Variants in AVIL observed in about 807,000 individuals in gnomAD.
AVIL encodes the protein advillin.
AVIL carries 78 observed loss-of-function variants against 109.9 expected under a neutral mutation model. The observed-to-expected ratio is 0.71, with a 90% CI of 0.59 to 0.86. The LOEUF (loss-of-function observed/expected upper bound fraction) is 0.86, where lower values mean the gene tolerates loss of function less well. Among genes scored for constraint, AVIL ranks in the 40% least tolerant of loss-of-function variants. The probability of loss-of-function intolerance (pLI) is 0.00; values close to 1 mark genes in which losing one functional copy is unlikely to be tolerated. For missense variants in AVIL, 892 were observed against 1,016.5 expected (o/e 0.88, Z 1.67); for synonymous variants, 367 against 379.1 (o/e 0.97, Z 0.37).
rs66731427 is a variant in AVIL, at chr12:57,818,182, C to CTTTTTTTTTTTTTTTTTTTTTTTT, written c.-20+423_-20+446dup. ...CACAGGTGTGCACCACCATGCTTGG[C>CTTTTTTTTTTTTTTTTTTTTTTTT]TTTTTTTTTTTTTTTTTTTTTTTTT... is the stretch of plus-strand genomic sequence containing the variant. On this transcript the variant is annotated intron_variant, in intron 1 of 19. Coordinates refer to ENST00000549994, the MANE Select transcript of AVIL (RefSeq NM_006576.4). Among the ~76,000 whole-genome samples the CTTTTTTTTTTTTTTTTTTTTTTTT allele has an allele frequency of 1.4e-4, 5 of 35,272 alleles. 2 individuals carry two copies. Among genetic ancestry groups the CTTTTTTTTTTTTTTTTTTTTTTTT allele is most frequent in the African/African-American group, 1.8e-4 (2 of 10,832 alleles). 23.1% of individuals were successfully genotyped at this position (35,272 alleles called of 152,430 possible). A position where few individuals can be genotyped will look rare whatever the true frequency, so the allele number is the denominator to read the frequency against.
rs768513304 is a variant in AVIL, at chr12:57,797,859, C to T, written c.*23G>A. ...CTATCTGCTCTTTTCTGTGGCCTTG[C>T]AATAGGTATAGGCCTTCTTGCTTTA... On this transcript the variant is annotated 3_prime_UTR_variant, in exon 20 of 20. Coordinates refer to ENST00000549994, the MANE Select transcript of AVIL (RefSeq NM_006576.4). 1.3e-6 allele frequency: 2 copies of T among 1,526,428 alleles called. No individual in the cohort carries two copies. The highest frequency in any genetic ancestry group is 4.2e-5 in the Admixed American group (2 of 47,366). The allele number at this position is 1,526,428 out of a possible 1,614,324, so 94.6% of individuals were successfully genotyped here. A position where few individuals can be genotyped will look rare whatever the true frequency, so the allele number is the denominator to read the frequency against.
intron 11 of AVIL, 117 bp from the exon 12 acceptor site, chr12:57,807,844 T>A (rs1375911308): frequency 7.1e-7 from 1 of 1,406,104 alleles, no homozygotes; most frequent in South Asian, 1.2e-5. Context: ...GTTCCCTTTC[T>A]CCCTCTGGTT....
At chr12:57,798,619 TC>T (rs1335646370) in intron 19 of AVIL, among the ~76,000 whole-genome samples, 1 of 151,132 alleles carries the variant, frequency 6.6e-6, no homozygotes, top group Non-Finnish European at 1.5e-5. Context: ...TCTTTTCTTT[TC>T]TTTTTTTTTT....
chr12:57,809,832 G>A lies in AVIL; in HGVS notation c.820C>T (p.Gln274Ter). The change falls in exon 8 of 20, where the codon CAG becomes TAG. Residue 274 changes from glutamine to a stop codon, truncating the protein, a stop_gained. Transcript: ENST00000549994. LOFTEE classifies it high-confidence loss of function. ...VTEVATRPLV[Q>*]DLLNHDDCYI... is the part of the protein sequence containing the mutation. Reference sequence around the variant, plus strand: ...CTTACATCATGGTTCAGTAAGTCCTGGACCAGAGGCCTTGTTGCTACCTCT... The same window carrying A: ...CTTACATCATGGTTCAGTAAGTCCTAGACCAGAGGCCTTGTTGCTACCTCT... The A allele has an allele frequency of 4.3e-6, 7 of 1,614,232 alleles. No homozygotes were observed. The highest frequency in any genetic ancestry group is 5.9e-6 in the Non-Finnish European group (7 of 1,180,042).
At chr12:57,815,936 G>A (rs779567390) in intron 2 of AVIL, 39 bp downstream of exon 2, 5 of 1,613,388 alleles carry the variant, frequency 3.1e-6, no homozygotes, top group East Asian at 4.5e-5. Flanking sequence ...GCTTCCAGAT[G>A]CCAGTGGTCA....
intron 17 of AVIL, 127 bp from the exon 18 acceptor site, chr12:57,801,339 A>C (rs1384954363): frequency 2.8e-6 from 2 of 710,528 alleles, no homozygotes; most frequent in Non-Finnish European, 4.7e-6. Context: ...AAGGATAAGT[A>C]AAAATGAAAA....
Position 57,807,611 on chromosome 12 carries a change from A to T in AVIL, c.1311T>A (p.His437Gln), listed in dbSNP as rs762203271. The T allele has an allele frequency of 6.2e-7, 1 of 1,614,244 alleles. No homozygotes were observed. Among genetic ancestry groups the T allele is most frequent in the Non-Finnish European group, 8.5e-7 (1 of 1,180,040 alleles). Residue 437 changes from histidine (H) to glutamine (Q), a missense_variant, in exon 12 of 20, where the codon CAT becomes CAA. By Grantham distance (24) the His-to-Gln change is conservative. Coordinates refer to ENST00000549994, the MANE Select transcript of AVIL (RefSeq NM_006576.4). ...CTACCTGCCAGATGTACAAGATGTG[A>T]TGTGGCTTCCCATTTACCTCGTATG... ...LYTYEVNGKPHHILYIWQGRH... is the reference protein window; with the variant it reads ...LYTYEVNGKPQHILYIWQGRH...
chr12:57,811,198 A>C (rs1350088898), intron 4 of AVIL, 71 bp from the exon 5 acceptor site: 2 of 1,386,494 alleles, frequency 1.4e-6, no homozygotes, highest in Non-Finnish European at 2.0e-6. Flanking sequence ...GTGGTGAATT[A>C]CACAGATGCA....
At chr12:57,805,053 T>C (rs1190167723) in intron 14 of AVIL, among the ~76,000 whole-genome samples, 1 of 152,206 alleles carries the variant, frequency 6.6e-6, no homozygotes, top group Non-Finnish European at 1.5e-5. Flanking sequence ...AAAATAATTT[T>C]AGTGCATTTT....
At chr12:57,802,705 C>A in intron 16 of AVIL, 1 of 611,214 alleles carries the variant, frequency 1.6e-6, no homozygotes, top group Admixed American at 2.9e-5. Flanking sequence ...TGAGTCTCCA[C>A]TTTTGATAGG....
Position 57,797,843 on chromosome 12 carries a change from C to A in AVIL, c.*39G>T. 1 of 1,473,766 alleles carries A rather than the reference C, an allele frequency of 6.8e-7. No homozygotes were observed. The highest frequency in any genetic ancestry group is 1.3e-5 in the South Asian group (1 of 77,602). The allele number at this position is 1,473,766 out of a possible 1,614,324, so 91.3% of individuals were successfully genotyped here. On this transcript the variant is annotated 3_prime_UTR_variant, in exon 20 of 20. Transcript: ENST00000549994. ...TTTCCTGATATTGGCACTATCTGCT[C>A]TTTTCTGTGGCCTTGCAATAGGTAT...
chr12:57,803,519 C>T lies in AVIL; in HGVS notation c.1817+5G>A, dbSNP rs1377635722. On this transcript the variant is annotated splice_donor_5th_base_variant and intron_variant, in intron 15 of 19. Coordinates refer to ENST00000549994, the MANE Select transcript of AVIL (RefSeq NM_006576.4). Reference sequence around the variant, plus strand: ...CCAGAAGAGGGGGAGGCTGTGTTCCCATACCTTTTATCATTGGCATAGGGA... The same window carrying T: ...CCAGAAGAGGGGGAGGCTGTGTTCCTATACCTTTTATCATTGGCATAGGGA... The T allele has an allele frequency of 1.2e-6, 2 of 1,614,158 alleles. No homozygotes were observed. Among genetic ancestry groups the T allele is most frequent in the East Asian group, 2.2e-5 (1 of 44,884 alleles).
chr12:57,797,717 A>G lies in AVIL; in HGVS notation c.*165T>C. On this transcript the variant is annotated 3_prime_UTR_variant, in exon 20 of 20. Coordinates refer to ENST00000549994, the MANE Select transcript of AVIL (RefSeq NM_006576.4). ...ATTTTAGGTATATAACAAGCAAGGA[A>G]TGCAAGGATGAGAAAAAATGGAGAA... is the stretch of plus-strand genomic sequence containing the variant. 5.5e-6 allele frequency: 4 copies of G among 733,808 alleles called. No homozygotes were observed. Among genetic ancestry groups the G allele is most frequent in the Middle Eastern group, 3.4e-4 (1 of 2,908 alleles). The allele number at this position is 733,808 out of a possible 1,614,324, so 45.5% of individuals were successfully genotyped here.
chr12:57,803,466 A>G, intron 15 of AVIL, 58 bp downstream of exon 15: 3 of 1,613,742 alleles, frequency 1.9e-6, no homozygotes, highest in African/African-American at 1.3e-5. Flanking sequence ...CCTTTGTGCA[A>G]TTCACAAGCC....
chr12:57,799,027 G>A (rs1955793188), intron 19 of AVIL, among the ~76,000 whole-genome samples: 1 of 152,192 alleles, frequency 6.6e-6, no homozygotes. Context: ...ATATGATGGT[G>A]AGCAAGACAA....
Position 57,799,936 on chromosome 12 carries a change from A to T in AVIL, c.2221-16T>A, listed in dbSNP as rs903835336. The T allele has an allele frequency of 1.2e-6, 2 of 1,613,786 alleles. No homozygotes were observed. Among genetic ancestry groups the T allele is most frequent in the African/African-American group, 2.7e-5 (2 of 74,938 alleles). On this transcript the variant is annotated splice_polypyrimidine_tract_variant and intron_variant, in intron 18 of 19. Coordinates refer to ENST00000549994, the MANE Select transcript of AVIL (RefSeq NM_006576.4). ...TCTTCATGTCCTAGGTAAGATAAGA[A>T]TGTAGGCACAGGGAAAAGACTCCTC...
At chr12:57,813,021 A>G (rs1366106443) in intron 4 of AVIL, among the ~76,000 whole-genome samples, 1 of 152,210 alleles carries the variant, frequency 6.6e-6, no homozygotes. Context: ...TTCCATCAGC[A>G]GGGCACAAGG....
rs374035947 is a variant in AVIL, at chr12:57,810,468, T to A, written c.642A>T (p.Ala214=). 1.7e-4 allele frequency: 267 copies of A among 1,614,230 alleles called. No homozygotes were observed. The highest frequency in any genetic ancestry group is 2.2e-4 in the Non-Finnish European group (256 of 1,180,034). ...KIGVIEGDKE[A]ASPELMKVLQ... ...GGACCTTCATCAGCTCTGGGCTGGC[T>A]GCCTCCTTGTCTCCCTCGATCACTC... The change falls in exon 7 of 20, where the codon GCA becomes GCT. Residue 214 remains alanine, a synonymous_variant. Coordinates refer to ENST00000549994, the MANE Select transcript of AVIL (RefSeq NM_006576.4).
At chr12:57,809,716 T>C in intron 8 of AVIL, 21 bp from the exon 9 acceptor site, 1 of 1,613,972 alleles carries the variant, frequency 6.2e-7, no homozygotes. Context: ...CAGAGATAGG[T>C]ATGGTTGCTC....
Sources: allele counts gnomAD v4.1 joint callset (sites outside exome capture counted in the v4.1 genomes callset), GRCh38; gene constraint gnomAD v4.1.1; transcripts MANE v1.5; gene names NCBI Gene and HGNC (gene_info 2026-07-23, HGNC 2026-07-21).